The following SERPINA4 variants were observed in gnomAD, a reference collection of about 807,000 sequenced individuals.
SERPINA4 encodes the protein serpin family A member 4.
Under a neutral mutation model 25.4 loss-of-function variants are expected in SERPINA4, and 24 were observed. That is an observed-to-expected ratio of 0.95 (90% CI 0.69 to 1.33). The LOEUF is 1.33. SERPINA4 is among the 40% of genes most tolerant of loss of function. The probability of loss-of-function intolerance (pLI) is 0.00; values close to 1 mark genes in which losing one functional copy is unlikely to be tolerated. For missense variants in SERPINA4, 553 were observed against 535.8 expected, an observed-to-expected ratio of 1.03 and a Z score of -0.32; for synonymous variants, 242 against 223.6, an observed-to-expected ratio of 1.08 and a Z score of -0.73.
At position 94,567,334 on chromosome 14, in the gene SERPINA4, A is replaced by C. The variant is rs3827893; in HGVS notation, c.923+91A>C. The stretch of plus-strand genomic sequence containing the variant: ...GACAGTGCCCCAAAATAGAGAGTGA[A>C]CACCAAATTATGAGAGAATTCTCAC... On this transcript the variant is annotated intron_variant, in intron 3 of 4. Transcript: ENST00000557004. 8 of 1,381,932 alleles carry C rather than the reference A, an allele frequency of 5.8e-6. No homozygotes were observed. In the East Asian group the frequency reaches 6.9e-5, roughly 12 times the overall value. 85.6% of individuals were successfully genotyped at this position (1,381,932 alleles called of 1,614,324 possible).
chr14:94,568,604 C>T (rs1170265996), intron 4 of SERPINA4, among the ~76,000 whole-genome samples: 2 of 152,164 alleles, frequency 1.3e-5, no homozygotes, highest in Non-Finnish European at 2.9e-5. Context: ...CCTGTAATCT[C>T]AGCATTTTGG....
intron 2 of SERPINA4, among the ~76,000 whole-genome samples, chr14:94,566,658 T>C (rs1902221325): frequency 6.6e-6 from 1 of 152,168 alleles, no homozygotes; most frequent in South Asian, 2.1e-4. Context: ...TCTCTCCTTC[T>C]CAAGGATGCT....
rs781081656 is a variant in SERPINA4 at position 94,564,010 on chromosome 14, G to A, written c.528G>A (p.Val176=). The A allele has an allele frequency of 6.2e-7, 1 of 1,613,812 alleles. No individual in the cohort carries two copies. The highest frequency in any genetic ancestry group is 1.1e-5 in the South Asian group (1 of 91,074). Residue 176 remains valine (V), a synonymous_variant, in exon 2 of 5, where the codon GTG becomes GTA. Transcript: ENST00000557004. ...TCCACACCAACTTCTACGACACTGT[G>A]GGCACAATCCAGCTTATCAACGACC... is the stretch of plus-strand genomic sequence containing the variant. The part of the protein sequence containing the change: ...KLFHTNFYDT[V]GTIQLINDHV...
intron 4 of SERPINA4, 69 bp downstream of exon 4, chr14:94,568,357 A>T (rs1013056588): frequency 2.1e-5 from 33 of 1,538,764 alleles, no homozygotes; most frequent in Non-Finnish European, 2.8e-5. Context: ...CTGCCAGGCG[A>T]TGGGGCTCCC....
rs1902337696 is a variant in SERPINA4 at position 94,569,714 on chromosome 14, G to A, written c.*119G>A. 3 of 1,109,194 alleles carry A rather than the reference G, an allele frequency of 2.7e-6. No homozygotes were observed. Among genetic ancestry groups the A allele is most frequent in the Middle Eastern group, 2.1e-4 (1 of 4,708 alleles). The allele number at this position is 1,109,194 out of a possible 1,614,324, so 68.7% of individuals were successfully genotyped here. On this transcript the variant is annotated 3_prime_UTR_variant, in exon 5 of 5. Coordinates refer to ENST00000557004, the MANE Select transcript of SERPINA4 (RefSeq NM_006215.4). ...TGACACCGAAGGTCCAGGAGTCCAGGACAGCAGGTGCTGGCCGGTGGGGAG... is the reference window on the plus strand; with the variant it reads ...TGACACCGAAGGTCCAGGAGTCCAGAACAGCAGGTGCTGGCCGGTGGGGAG...
Position 94,569,774 on chromosome 14 carries a change from A to G in SERPINA4, c.*179A>G. 1.6e-6 allele frequency: 1 copy of G among 640,080 alleles called. No individual in the cohort carries two copies. Among genetic ancestry groups the G allele is most frequent in the Non-Finnish European group, 2.7e-6 (1 of 370,520 alleles). The allele number at this position is 640,080 out of a possible 1,614,324, so 39.7% of individuals were successfully genotyped here. Reference sequence around the variant, plus strand: ...GCACTGAGATGGGCAGGGCCTGGACATTCCACACCCTGGTGCTGTGCAGCC... The same window carrying G: ...GCACTGAGATGGGCAGGGCCTGGACGTTCCACACCCTGGTGCTGTGCAGCC... On this transcript the variant is annotated 3_prime_UTR_variant, in exon 5 of 5. Transcript: ENST00000557004.
Position 94,569,419 on chromosome 14 carries a change from G to A in SERPINA4, c.1108G>A (p.Val370Met), listed in dbSNP as rs547679516. The change falls in exon 5 of 5, where the codon GTG becomes ATG. Residue 370 changes from valine to methionine, a missense_variant. Transcript: ENST00000557004. The stretch of plus-strand genomic sequence containing the variant: ...GAGTTTCCACAAGGCCACCTTGGAC[G>A]TGGATGAGGCTGGCACCGAGGCTGC... ...SKSFHKATLD[V>M]DEAGTEAAAA... 1.1e-4 allele frequency: 181 copies of A among 1,613,924 alleles called. 1 individual carries two copies. Among genetic ancestry groups the A allele is most frequent in the East Asian group, 4.9e-4 (22 of 44,890 alleles).
Position 94,563,676 on chromosome 14 carries a change from TGATCGCTTCG to T in SERPINA4, c.197_206del (p.Ile66ArgfsTer12), listed in dbSNP as rs757267105. 14 of 1,613,808 alleles carry T rather than the reference TGATCGCTTCG, an allele frequency of 8.7e-6. No individual in the cohort carries two copies. In the South Asian group the frequency reaches 1.2e-4, roughly 14 times the overall value. On this transcript the variant is annotated frameshift_variant, in exon 2 of 5. Coordinates refer to ENST00000557004, the MANE Select transcript of SERPINA4 (RefSeq NM_006215.4). LOFTEE classifies it high-confidence loss of function. The stretch of plus-strand genomic sequence containing the variant: ...GACTTTGCCTTCCGCTTCTACTACC[TGATCGCTTCG>T]GAGACCCCGGGGAAGAACATCTTTT...
intron 1 of SERPINA4, 55 bp from the exon 2 acceptor site, chr14:94,563,411 T>G: frequency 6.5e-7 from 1 of 1,528,368 alleles, no homozygotes; most frequent in South Asian, 1.3e-5. Flanking sequence ...GCCTTCTCAG[T>G]AGGGCCAGGT....
intron 2 of SERPINA4, among the ~76,000 whole-genome samples, chr14:94,566,103 C>T (rs987287343): frequency 2.0e-5 from 3 of 152,134 alleles, no homozygotes; most frequent in Non-Finnish European, 4.4e-5. Flanking sequence ...ATTCCATGGC[C>T]ATCATTGTGG....
Position 94,569,718 on chromosome 14 carries a change from G to A in SERPINA4, c.*123G>A, listed in dbSNP as rs1902337857. On this transcript the variant is annotated 3_prime_UTR_variant, in exon 5 of 5. Coordinates refer to ENST00000557004, the MANE Select transcript of SERPINA4 (RefSeq NM_006215.4). ...ACCGAAGGTCCAGGAGTCCAGGACA[G>A]CAGGTGCTGGCCGGTGGGGAGCGGG... 9.5e-7 allele frequency: 1 copy of A among 1,049,288 alleles called. No individual in the cohort carries two copies. The highest frequency in any genetic ancestry group is 1.4e-6 in the Non-Finnish European group (1 of 716,006). 65.0% of individuals were successfully genotyped at this position (1,049,288 alleles called of 1,614,324 possible). A position where few individuals can be genotyped will look rare whatever the true frequency, so the allele number is the denominator to read the frequency against.
At position 94,563,489 on chromosome 14, in the gene SERPINA4, C is replaced by G. The variant is rs1324688951; in HGVS notation, c.7C>G (p.Leu3Val). MH[L>V]IDYLLLLLVG... is the part of the protein sequence containing the mutation. ...AGGCCTGAGAGTGCAGAGGATGCAT[C>G]TTATCGACTACCTGCTCCTCCTGCT... Residue 3 changes from leucine to valine, a missense_variant, in exon 2 of 5, where the codon CTT becomes GTT. Coordinates refer to ENST00000557004, the MANE Select transcript of SERPINA4 (RefSeq NM_006215.4). The G allele has an allele frequency of 6.2e-7, 1 of 1,612,098 alleles. No individual in the cohort carries two copies. Among genetic ancestry groups the G allele is most frequent in the African/African-American group, 1.3e-5 (1 of 74,894 alleles).
intron 2 of SERPINA4, among the ~76,000 whole-genome samples, chr14:94,566,120 C>T (rs1169883519): frequency 6.6e-6 from 1 of 152,158 alleles, no homozygotes; most frequent in African/African-American, 2.4e-5. Context: ...GTGGTCACTT[C>T]CTTGCAAACA....
At position 94,564,043 on chromosome 14, in the gene SERPINA4, GA is replaced by G. The variant is rs1566829254; in HGVS notation, c.563del (p.Lys188ArgfsTer19). Reference sequence around the variant, plus strand: ...TCCAGCTTATCAACGACCACGTCAAGAAGGAAACTCGAGGGAAGATTGTGGA... The same window carrying G: ...TCCAGCTTATCAACGACCACGTCAAGAGGAAACTCGAGGGAAGATTGTGGA... ...TIQLINDHVK[K>X]ETRGKIVDLV... On this transcript the variant is annotated frameshift_variant, in exon 2 of 5. Transcript: ENST00000557004. LOFTEE classifies it high-confidence loss of function. 1 of 1,611,954 alleles carries G rather than the reference GA, an allele frequency of 6.2e-7. No homozygotes were observed. The highest frequency in any genetic ancestry group is 1.7e-5 in the Admixed American group (1 of 60,030).
rs185376290 is a variant in SERPINA4 at position 94,562,971 on chromosome 14, C to T, written c.-17-495C>T. Among the ~76,000 whole-genome samples, 8 of 152,268 alleles carry T rather than the reference C, an allele frequency of 5.3e-5. No homozygotes were observed. In the East Asian group the frequency reaches 1.4e-3, roughly 26 times the overall value. On this transcript the variant is annotated intron_variant, in intron 1 of 4. Transcript: ENST00000557004. ...GGTTTGTAAACCATATAAAGCACTC[C>T]ACAGATGTTTGTGGAACAGACCCTA...
chr14:94,569,643 G>T lies in SERPINA4; in HGVS notation c.*48G>T, dbSNP rs1160360117. ...TTCCAAGCAGGAGGATGTGGCAGGG[G>T]AGGGCTGGGAGTGAGTAGCTCTGTG... is the stretch of plus-strand genomic sequence containing the variant. On this transcript the variant is annotated 3_prime_UTR_variant, in exon 5 of 5. Transcript: ENST00000557004. 1 of 1,591,322 alleles carries T rather than the reference G, an allele frequency of 6.3e-7. No individual in the cohort carries two copies. Among genetic ancestry groups the T allele is most frequent in the Non-Finnish European group, 8.6e-7 (1 of 1,160,254 alleles).
At chr14:94,564,174 C>T in intron 2 of SERPINA4, 43 bp downstream of exon 2, 1 of 1,562,910 alleles carries the variant, frequency 6.4e-7, no homozygotes. Flanking sequence ...CACACCACCG[C>T]CTCCAACCCA....
rs1902040795 is a variant in SERPINA4, at chr14:94,561,882, G to T, written c.-18+388G>T. On this transcript the variant is annotated intron_variant, in intron 1 of 4. Coordinates refer to ENST00000557004, the MANE Select transcript of SERPINA4 (RefSeq NM_006215.4). ...TGCGGTCCTATGTATGTTTCTAAAT[G>T]ATCCCTCCAACTGCTGAGTGGAGAA... 2.1e-5 allele frequency: 27 copies of T among 1,288,918 alleles called. No homozygotes were observed. In the South Asian group the frequency reaches 3.2e-4, roughly 15 times the overall value. 79.8% of individuals were successfully genotyped at this position (1,288,918 alleles called of 1,614,324 possible). A position where few individuals can be genotyped will look rare whatever the true frequency, so the allele number is the denominator to read the frequency against.
intron 1 of SERPINA4, 46 bp from the exon 2 acceptor site, chr14:94,563,420 G>A (rs771523755): frequency 6.5e-7 from 1 of 1,549,636 alleles, no homozygotes; most frequent in African/African-American, 1.3e-5. Context: ...GTAGGGCCAG[G>A]TGTTCTTCTG....
Sources: gnomAD v4.1 joint callset for allele counts (sites outside exome capture counted in the v4.1 genomes callset) on GRCh38, gnomAD v4.1.1 for gene constraint, MANE v1.5 for transcripts, NCBI Gene and HGNC (gene_info 2026-07-23, HGNC 2026-07-21) for gene names.